WDR59: variants seen among roughly 807,000 people sequenced by gnomAD.
WDR59 encodes WD repeat domain 59, also known as GATOR2 complex protein WDR59.
A neutral mutation model predicts 131.2 loss-of-function variants in WDR59; 100 were observed. That is an observed-to-expected ratio of 0.76 (90% CI 0.65 to 0.90). The LOEUF (loss-of-function observed/expected upper bound fraction) is 0.90. Ranked by LOEUF, WDR59 falls within the 40% of genes least tolerant of loss-of-function variation. The pLI is 0.00. For missense variants in WDR59, 1,203 were observed against 1,262.2 expected (o/e 0.95, Z 0.71); for synonymous variants, 601 against 466.2 (o/e 1.29, Z -3.72).
chr16:74,946,743 G>C (rs754501828), intron 6 of WDR59, among the ~76,000 whole-genome samples: 1 of 151,852 alleles, frequency 6.6e-6, no homozygotes, highest in Non-Finnish European at 1.5e-5. Flanking sequence ...AAAAAAGAAA[G>C]AAAGAAGTGG....
In WDR59 at chr16:74,951,473, T is replaced by C; in HGVS notation, c.311A>G (p.His104Arg). ...TGGTGCCTACCTGATGACACGAGTG[T>C]GGCCTTGTAAGGTTGTGCCAACTTC... ...SGEVGTTLQG[H>R]TRVISDLDWA... is the part of the protein sequence containing the mutation. Residue 104 changes from histidine to arginine, a missense_variant, in exon 4 of 26, where the codon CAC (histidine) becomes CGC (arginine). His to Arg is a conservative substitution (Grantham distance 29). Transcript: ENST00000262144. 3 of 1,600,632 alleles carry C rather than the reference T, an allele frequency of 1.9e-6. No homozygotes were observed.
intron 6 of WDR59, among the ~76,000 whole-genome samples, chr16:74,943,205 C>T (rs2032365996): frequency 6.6e-6 from 1 of 151,552 alleles, no homozygotes; most frequent in Non-Finnish European, 1.5e-5. Flanking sequence ...GCTCGCACTC[C>T]TAATTAGAAC....
chr16:74,931,483 T>C (rs1597738896), intron 8 of WDR59, among the ~76,000 whole-genome samples: 1 of 151,882 alleles, frequency 6.6e-6, no homozygotes, highest in African/African-American at 2.4e-5. Context: ...CTACAGGTGG[T>C]TGCTACCATG....
intron 14 of WDR59, among the ~76,000 whole-genome samples, chr16:74,911,582 C>T (rs1246827639): frequency 6.6e-6 from 1 of 152,196 alleles, no homozygotes; most frequent in Admixed American, 6.5e-5. Context: ...TCTGAATCTG[C>T]AGAATTAAAC....
chr16:74,883,175 C>G lies in WDR59; in HGVS notation c.2689+2478G>C, dbSNP rs141225540. On this transcript the variant is annotated intron_variant, in intron 25 of 25. Coordinates refer to ENST00000262144, the MANE Select transcript of WDR59 (RefSeq NM_030581.4). ...GAGTAGCTAGGACTACAAGCACGCA[C>G]CACCACGCCCGGCTAATTTTTGTAT... Among the ~76,000 whole-genome samples the G allele has an allele frequency of 4.5e-3, 681 of 151,908 alleles. 22 individuals carry two copies. The East Asian group carries it at 0.072, about 16-fold the overall frequency.
At chr16:74,900,090 G>A (rs1035883173) in intron 18 of WDR59, among the ~76,000 whole-genome samples, 1 of 152,198 alleles carries the variant, frequency 6.6e-6, no homozygotes, top group African/African-American at 2.4e-5. Context: ...CACACACTGA[G>A]ATCATTGTGC....
rs562974724 is a variant in WDR59 at position 74,893,722 on chromosome 16, C to T, written c.1957G>A (p.Ala653Thr). ...AAGKVIIQDI[A>T]CLLPVHKSLG... ...GATTTGTGAACAGGCAGGAGGCAAGCAATATCCTGGATGATGACTTTCCCA... is the reference window on the plus strand; with the variant it reads ...GATTTGTGAACAGGCAGGAGGCAAGTAATATCCTGGATGATGACTTTCCCA... Residue 653 changes from alanine to threonine, a missense_variant, in exon 19 of 26, where the codon GCT becomes ACT. By Grantham distance (58) the Ala-to-Thr change is moderately conservative. Transcript: ENST00000262144. 2.5e-5 allele frequency: 40 copies of T among 1,614,150 alleles called. No homozygotes were observed. In the South Asian group the frequency reaches 4.3e-4, roughly 17 times the overall value.
chr16:74,886,176 C>CAAAAAAAAAAAA, intron 24 of WDR59, 94 bp downstream of exon 24: 1 of 1,032,826 alleles, frequency 9.7e-7, no homozygotes, highest in Non-Finnish European at 1.3e-6. Flanking sequence ...GATTCTGTGT[C>CAAAAAAAAAAAA]CAAAAAAAAA....
chr16:74,945,483 A>T (rs999389154), intron 6 of WDR59, among the ~76,000 whole-genome samples: 1 of 141,632 alleles, frequency 7.1e-6, no homozygotes, highest in African/African-American at 2.8e-5. Context: ...TCTCAAAAAT[A>T]AAAAAAAAAA....
At chr16:74,942,356 G>A (rs1433217864) in intron 7 of WDR59, among the ~76,000 whole-genome samples, 1 of 152,134 alleles carries the variant, frequency 6.6e-6, no homozygotes, top group African/African-American at 2.4e-5. Flanking sequence ...CAGGGGCAGG[G>A]ATAAGAAGCC....
Position 74,909,636 on chromosome 16 carries a change from T to C in WDR59, c.1507A>G (p.Ser503Gly), listed in dbSNP as rs759614428. 9 of 1,584,398 alleles carry C rather than the reference T, an allele frequency of 5.7e-6. No individual in the cohort carries two copies. Among genetic ancestry groups the C allele is most frequent in the Non-Finnish European group, 7.7e-6 (9 of 1,168,214 alleles). The change falls in exon 16 of 26, where the codon AGC (serine) becomes GGC (glycine). Residue 503 changes from serine (S) to glycine (G), a missense_variant. Physicochemically the swap from Ser to Gly is moderately conservative, Grantham distance 56 (BLOSUM62 0). Coordinates refer to ENST00000262144, the MANE Select transcript of WDR59 (RefSeq NM_030581.4). ...SFVNQEDSAS[S>G]NPFALPNSVT... ...GAGTTGGGGAGTGCAAACGGGTTGC[T>C]GGAAGCGCTGTCTTCCTGGTTCTGA...
In WDR59 at chr16:74,915,956, T is replaced by C; in HGVS notation, c.1138A>G (p.Arg380Gly). The change falls in exon 13 of 26, where the codon AGG becomes GGG. Residue 380 changes from arginine to glycine, a missense_variant. Coordinates refer to ENST00000262144, the MANE Select transcript of WDR59 (RefSeq NM_030581.4). Reference sequence around the variant, plus strand: ...GGCAGCCCCAGTTGATCTGATTTCCTCTCTTCCAGGAGATTTCTAGGGGGA... The same window carrying C: ...GGCAGCCCCAGTTGATCTGATTTCCCCTCTTCCAGGAGATTTCTAGGGGGA... ...EDPPRNLLEE[R>G]KSDQLGLPQT... 6.2e-7 allele frequency: 1 copy of C among 1,614,176 alleles called. No homozygotes were observed. Among genetic ancestry groups the C allele is most frequent in the African/African-American group, 1.3e-5 (1 of 75,064 alleles).
intron 7 of WDR59, among the ~76,000 whole-genome samples, chr16:74,941,340 C>CAA (rs71378720): frequency 0.23 from 25,253 of 109,446 alleles, 2,993 homozygotes; most frequent in Non-Finnish European, 0.31. Flanking sequence ...GGCTCCATCT[C>CAA]AAAAAAAAAA....
intron 13 of WDR59, among the ~76,000 whole-genome samples, chr16:74,913,313 G>A (rs948095081): frequency 6.7e-6 from 1 of 150,338 alleles, no homozygotes; most frequent in Non-Finnish European, 1.5e-5. Flanking sequence ...CACCCAGGCT[G>A]GAGTGCAGTG....
At chr16:74,887,853 C>A in intron 22 of WDR59, 98 bp from the exon 23 acceptor site, 1 of 1,250,808 alleles carries the variant, frequency 8.0e-7, no homozygotes, top group Non-Finnish European at 1.1e-6. Flanking sequence ...CACGGTGGCT[C>A]ATGCCTGTAA....
At chr16:74,885,630 A>G in intron 25 of WDR59, 23 bp downstream of exon 25, 3 of 1,612,408 alleles carry the variant, frequency 1.9e-6, no homozygotes, top group Non-Finnish European at 2.5e-6. Flanking sequence ...CAGTGAAAGG[A>G]AGAGAGAGAA....
At chr16:74,949,428 GGGAGGGAGGGAAAGAA>G (rs200781338) in intron 5 of WDR59, among the ~76,000 whole-genome samples, 1 of 148,572 alleles carries the variant, frequency 6.7e-6, no homozygotes, top group Non-Finnish European at 1.5e-5. Flanking sequence ...GAGGAAAGGA[GGGAGGGAGGGAAAGAA>G]GGAGGGAGGG....
chr16:74,979,957 T>C (rs2034337777), intron 1 of WDR59, among the ~76,000 whole-genome samples: 1 of 146,394 alleles, frequency 6.8e-6, no homozygotes, highest in Non-Finnish European at 1.5e-5. Context: ...CAAGCAATTC[T>C]CCTCCCTCAG....
intron 10 of WDR59, among the ~76,000 whole-genome samples, chr16:74,918,472 C>T (rs951585159): frequency 1.3e-5 from 2 of 152,138 alleles, no homozygotes; most frequent in Admixed American, 6.5e-5. Context: ...CATATTTTTG[C>T]AAAACGGGTT....
Sources: allele counts gnomAD v4.1 joint callset (sites outside exome capture counted in the v4.1 genomes callset), GRCh38; gene constraint gnomAD v4.1.1; transcripts MANE v1.5; gene names NCBI Gene and HGNC (gene_info 2026-07-23, HGNC 2026-07-21).